RSRC1: variants seen among roughly 807,000 people sequenced by gnomAD.
RSRC1 encodes the protein serine/Arginine-related protein 53.
RSRC1 carries 39 observed loss-of-function variants against 49.1 expected under a neutral mutation model. The observed-to-expected ratio is 0.79, with a 90% CI of 0.61 to 1.04. The LOEUF is 1.04. RSRC1 is among the 50% of genes least tolerant of loss of function. The pLI is 0.00. For synonymous variants in RSRC1, 143 were observed against 130.8 expected, an observed-to-expected ratio of 1.09 and a Z score of -0.63; for missense variants, 388 against 402.4, an observed-to-expected ratio of 0.96 and a Z score of 0.31.
intron 7 of RSRC1, among the ~76,000 whole-genome samples, chr3:158,470,759 T>C (rs1738102095): frequency 6.6e-6 from 1 of 152,184 alleles, no homozygotes; most frequent in Non-Finnish European, 1.5e-5. Flanking sequence ...TTCCACCCTA[T>C]TGTAAACTAT....
intron 6 of RSRC1, among the ~76,000 whole-genome samples, chr3:158,385,076 C>A (rs1732902054): frequency 6.6e-6 from 1 of 152,016 alleles, no homozygotes; most frequent in Non-Finnish European, 1.5e-5. Context: ...TTTGCTTTTT[C>A]TTTAGGTACT....
intron 5 of RSRC1, among the ~76,000 whole-genome samples, chr3:158,316,746 A>G (rs531753910): frequency 6.6e-6 from 1 of 152,188 alleles, no homozygotes; most frequent in East Asian, 1.9e-4. Flanking sequence ...GCCCGGCAGA[A>G]TCTCTCATTT....
intron 4 of RSRC1, among the ~76,000 whole-genome samples, chr3:158,293,105 C>G (rs1727030771): frequency 6.6e-6 from 1 of 152,082 alleles, no homozygotes; most frequent in Non-Finnish European, 1.5e-5. Flanking sequence ...TCATGGAGAA[C>G]TTGCTTAAAC....
At chr3:158,311,718 T>C (rs1728139102) in intron 5 of RSRC1, among the ~76,000 whole-genome samples, 2 of 152,012 alleles carry the variant, frequency 1.3e-5, no homozygotes, top group Non-Finnish European at 2.9e-5. Flanking sequence ...TTAAATACTC[T>C]TACCACAAAA....
intron 6 of RSRC1, among the ~76,000 whole-genome samples, chr3:158,366,583 T>C (rs1409217705): frequency 6.6e-6 from 1 of 152,228 alleles, no homozygotes; most frequent in African/African-American, 2.4e-5. Context: ...GGTAGCATGA[T>C]ACCTCCAGCT....
Position 158,250,304 on chromosome 3 carries a change from A to C in RSRC1, c.494+47059A>C, listed in dbSNP as rs75375626. Among the ~76,000 whole-genome samples, 1,162 of 152,206 alleles carry C rather than the reference A, an allele frequency of 7.6e-3. 7 individuals carry two copies. Among genetic ancestry groups the C allele is most frequent in the African/African-American group, 0.027 (1,104 of 41,522 alleles). On this transcript the variant is annotated intron_variant, in intron 4 of 9. Coordinates refer to ENST00000611884, the MANE Select transcript of RSRC1 (RefSeq NM_001271838.2). ...GGAGTGCAGATGATCTTGATACAAA[A>C]ATTTCCTTTCTTTTGGTTATATACC...
intron 7 of RSRC1, among the ~76,000 whole-genome samples, chr3:158,485,747 A>G (rs1206905611): frequency 6.6e-6 from 1 of 152,166 alleles, no homozygotes; most frequent in Admixed American, 6.6e-5. Flanking sequence ...ACATGAGTAT[A>G]TTATTTTCCA....
At chr3:158,508,503 CT>C (rs375671503) in intron 7 of RSRC1, among the ~76,000 whole-genome samples, 3,493 of 146,260 alleles carry the variant, frequency 0.024, 84 homozygotes, top group African/African-American at 0.065. Context: ...GTTTTTCTCT[CT>C]TTTTTTTTTT....
chr3:158,141,896 G>A (rs1448687422), intron 3 of RSRC1, among the ~76,000 whole-genome samples: 1 of 152,110 alleles, frequency 6.6e-6, no homozygotes, highest in Non-Finnish European at 1.5e-5. Flanking sequence ...TCAGGAGTTC[G>A]AGACCAGCCT....
chr3:158,214,080 A>G (rs916075060), intron 4 of RSRC1, among the ~76,000 whole-genome samples: 5 of 151,864 alleles, frequency 3.3e-5, no homozygotes, highest in Admixed American at 6.6e-5. Flanking sequence ...AACTATTTAC[A>G]TAGCATTTAC....
chr3:158,415,395 C>T (rs1734688832), intron 6 of RSRC1, among the ~76,000 whole-genome samples: 1 of 151,874 alleles, frequency 6.6e-6, no homozygotes, highest in Non-Finnish European at 1.5e-5. Context: ...TGTACTGTTA[C>T]TGTTTGCCTT....
intron 3 of RSRC1, among the ~76,000 whole-genome samples, chr3:158,157,274 C>A (rs1717933929): frequency 6.6e-6 from 1 of 152,130 alleles, no homozygotes; most frequent in African/African-American, 2.4e-5. Flanking sequence ...GAATGTTTAA[C>A]ATGTATTCTT....
At chr3:158,287,911 G>A (rs768977273) in intron 4 of RSRC1, among the ~76,000 whole-genome samples, 2 of 152,082 alleles carry the variant, frequency 1.3e-5, no homozygotes, top group African/African-American at 4.8e-5. Flanking sequence ...GTCACTTGTA[G>A]CCCATATGGC....
intron 3 of RSRC1, among the ~76,000 whole-genome samples, chr3:158,139,784 C>T (rs533200515): frequency 6.6e-6 from 1 of 152,134 alleles, no homozygotes; most frequent in South Asian, 2.1e-4. Context: ...CAGGCGTGTG[C>T]CACCACGCCC....
At chr3:158,514,728 C>T (rs916516609) in intron 7 of RSRC1, among the ~76,000 whole-genome samples, 3 of 151,922 alleles carry the variant, frequency 2.0e-5, no homozygotes, top group Admixed American at 2.0e-4. Context: ...GTTAAAGTCT[C>T]CCATTATTAA....
intron 7 of RSRC1, among the ~76,000 whole-genome samples, chr3:158,474,115 G>A (rs1738267505): frequency 6.6e-6 from 1 of 152,070 alleles, no homozygotes; most frequent in Non-Finnish European, 1.5e-5. Context: ...AACCACTAAT[G>A]GAATTCATGT....
intron 7 of RSRC1, among the ~76,000 whole-genome samples, chr3:158,478,622 C>T (rs1275976177): frequency 6.6e-6 from 1 of 151,940 alleles, no homozygotes; most frequent in Non-Finnish European, 1.5e-5. Flanking sequence ...TGTCTATCCA[C>T]AATAGGATAT....
At chr3:158,296,333 C>T (rs1194731617) in intron 4 of RSRC1, among the ~76,000 whole-genome samples, 4 of 152,034 alleles carry the variant, frequency 2.6e-5, no homozygotes, top group African/African-American at 9.6e-5. Flanking sequence ...CACACACACA[C>T]ATACACACAT....
At chr3:158,473,538 A>G (rs1435633463) in intron 7 of RSRC1, among the ~76,000 whole-genome samples, 1 of 152,070 alleles carries the variant, frequency 6.6e-6, no homozygotes, top group African/African-American at 2.4e-5. Context: ...GGGGAGGGAT[A>G]GCATTAGGAG....
Sources: gnomAD v4.1 joint callset for allele counts (sites outside exome capture counted in the v4.1 genomes callset) on GRCh38, gnomAD v4.1.1 for gene constraint, MANE v1.5 for transcripts, NCBI Gene and HGNC (gene_info 2026-07-23, HGNC 2026-07-21) for gene names.